Variants in RYR2 observed in about 807,000 individuals in gnomAD.
RYR2 encodes the protein cardiac muscle ryanodine receptor-calcium release channel.
RYR2 carries 227 observed loss-of-function variants against 601.1 expected under a neutral mutation model. That is an observed-to-expected ratio of 0.38 (90% CI 0.34 to 0.42). RYR2 has a LOEUF of 0.42. Among genes scored for constraint, RYR2 ranks in the 10% least tolerant of loss-of-function variants. The pLI is 1.00. For synonymous variants in RYR2, 2,223 were observed against 2,175.1 expected, an observed-to-expected ratio of 1.02 and a Z score of -0.61; for missense variants, 4,646 against 6,156.5, an observed-to-expected ratio of 0.75 and a Z score of 8.21.
chr1:237,760,824 A>G, intron 83 of RYR2, 131 bp from the exon 84 acceptor site: 2 of 658,408 alleles, frequency 3.0e-6, no homozygotes, highest in South Asian at 3.6e-5. Flanking sequence ...CAATGAATGG[A>G]GACATGTTTT....
At chr1:237,493,751 C>A (rs560812986) in intron 19 of RYR2, among the ~76,000 whole-genome samples, 1 of 152,220 alleles carries the variant, frequency 6.6e-6, no homozygotes, top group Admixed American at 6.5e-5. Context: ...TGCGCCCAGC[C>A]CCTTCAATAT....
chr1:237,657,760 T>C (rs1200553288), intron 53 of RYR2, among the ~76,000 whole-genome samples, 184 bp from the exon 54 acceptor site: 1 of 151,910 alleles, frequency 6.6e-6, no homozygotes, highest in Non-Finnish European at 1.5e-5. Flanking sequence ...AGATAGAACA[T>C]TATCTGCTTG....
At chr1:237,319,400 T>C (rs1419952625) in intron 2 of RYR2, among the ~76,000 whole-genome samples, 2 of 152,144 alleles carry the variant, frequency 1.3e-5, no homozygotes, top group African/African-American at 4.8e-5. Context: ...AAACTGGACA[T>C]TTTAGATAAT....
chr1:237,140,074 G>A (rs1402782101), intron 1 of RYR2, among the ~76,000 whole-genome samples: 5 of 152,280 alleles, frequency 3.3e-5, no homozygotes, highest in East Asian at 1.9e-4. Flanking sequence ...TGATAAGTTC[G>A]AAATCTAAAA....
chr1:237,699,953 T>A (rs1375667092), intron 64 of RYR2, among the ~76,000 whole-genome samples: 2 of 152,248 alleles, frequency 1.3e-5, no homozygotes, highest in Non-Finnish European at 2.9e-5. Context: ...TTAGTTAAAT[T>A]GGAGACCGTT....
intron 29 of RYR2, 133 bp downstream of exon 29, chr1:237,569,452 C>G (rs369936811): frequency 1.3e-6 from 1 of 763,128 alleles, no homozygotes; most frequent in African/African-American, 1.8e-5. Flanking sequence ...CGTGAGGGTG[C>G]CTTGTGACTG....
At chr1:237,469,277 A>AAAC in intron 17 of RYR2, 90 bp downstream of exon 17, 10 of 754,748 alleles carry the variant, frequency 1.3e-5, no homozygotes, top group Middle Eastern at 2.7e-4. Flanking sequence ...AAAAAAAAAA[A>AAAC]AACAACTTTG....
At chr1:237,807,349 T>C (rs965898058) in intron 99 of RYR2, among the ~76,000 whole-genome samples, 3 of 152,102 alleles carry the variant, frequency 2.0e-5, no homozygotes, top group African/African-American at 7.2e-5. Context: ...GGATCAAATT[T>C]TCTTTGTTTG....
chr1:237,282,747 G>C lies in RYR2; in HGVS notation c.168+12131G>C, dbSNP rs190017407. On this transcript the variant is annotated intron_variant, in intron 2 of 104. Coordinates refer to ENST00000366574, the MANE Select transcript of RYR2 (RefSeq NM_001035.3). ...GAATGTTTTTGATGTTTGAAAGGAT[G>C]AGAGAATAAATGGGTAAAATACGAA... 4.0e-3 allele frequency among the ~76,000 whole-genome samples: 614 copies of C among 152,266 alleles called. 13 individuals are homozygous for C. The highest frequency in any genetic ancestry group is 2.9e-3 in the South Asian group (14 of 4,824).
At chr1:237,126,127 C>T (rs1160777862) in intron 1 of RYR2, among the ~76,000 whole-genome samples, 1 of 151,984 alleles carries the variant, frequency 6.6e-6, no homozygotes, top group African/African-American at 2.4e-5. Flanking sequence ...ATCCCAGCTA[C>T]TCGGGAGGCT....
At chr1:237,341,448 A>G (rs1486589211) in intron 3 of RYR2, among the ~76,000 whole-genome samples, 3 of 152,174 alleles carry the variant, frequency 2.0e-5, no homozygotes, top group African/African-American at 4.8e-5. Context: ...AAAAACAACA[A>G]TTAACACTCC....
At chr1:237,398,160 A>G (rs1703032820) in intron 10 of RYR2, among the ~76,000 whole-genome samples, 1 of 152,162 alleles carries the variant, frequency 6.6e-6, no homozygotes, top group Non-Finnish European at 1.5e-5. Context: ...CTCTTGTCTC[A>G]TCATGGCCAG....
At chr1:237,369,373 G>A in intron 5 of RYR2, 161 bp from the exon 6 acceptor site, 1 of 693,872 alleles carries the variant, frequency 1.4e-6, no homozygotes, top group Non-Finnish European at 2.6e-6. Flanking sequence ...TTACTCCAAT[G>A]TATACATTAT....
intron 1 of RYR2, among the ~76,000 whole-genome samples, chr1:237,190,765 A>C (rs1000266807): frequency 5.3e-5 from 8 of 152,208 alleles, no homozygotes; most frequent in African/African-American, 1.4e-4. Context: ...GGACTTGGGC[A>C]TCCACTGATT....
chr1:237,751,470 A>C (rs1692531885), intron 80 of RYR2, among the ~76,000 whole-genome samples: 1 of 152,186 alleles, frequency 6.6e-6, no homozygotes, highest in Admixed American at 6.5e-5. Context: ...TGTCAACTGG[A>C]CCCTGAAATA....
intron 97 of RYR2, 110 bp downstream of exon 97, chr1:237,798,280 A>C: frequency 1.0e-6 from 1 of 973,450 alleles, no homozygotes; most frequent in Non-Finnish European, 1.5e-6. Context: ...AGAAGAATAG[A>C]TAGATGAGGA....
intron 34 of RYR2, among the ~76,000 whole-genome samples, chr1:237,600,130 T>A (rs1345223418): frequency 6.6e-6 from 1 of 152,022 alleles, no homozygotes; most frequent in Non-Finnish European, 1.5e-5. Context: ...CAAAGCAATC[T>A]TGAGCAAAAA....
chr1:237,342,450 C>T (rs1697905654), intron 3 of RYR2, among the ~76,000 whole-genome samples: 1 of 151,928 alleles, frequency 6.6e-6, no homozygotes, highest in Admixed American at 6.6e-5. Context: ...CACCTCACCC[C>T]ACTCATACAA....
At chr1:237,687,363 C>CTTTTT (rs200738727) in intron 62 of RYR2, 92 bp from the exon 63 acceptor site, 19 of 452,830 alleles carry the variant, frequency 4.2e-5, no homozygotes, top group South Asian at 8.8e-5. Context: ...CTTTTTTCTT[C>CTTTTT]TTCTTTTTTT....
Sources: gnomAD v4.1 joint callset for allele counts (sites outside exome capture counted in the v4.1 genomes callset) on GRCh38, gnomAD v4.1.1 for gene constraint, MANE v1.5 for transcripts, NCBI Gene and HGNC (gene_info 2026-07-23, HGNC 2026-07-21) for gene names.